PDZRN3: variants seen among roughly 807,000 people sequenced by gnomAD.
PDZRN3 encodes the protein PDZ domain containing ring finger 3, also known as E3 ubiquitin-protein ligase PDZRN3.
In PDZRN3, 38 loss-of-function variants were observed where a neutral mutation model predicts 85.7. The ratio of observed to expected loss-of-function variants is 0.44; its 90% CI spans 0.34 to 0.58. The LOEUF is 0.58. PDZRN3 is among the 20% of genes least tolerant of loss of function. The pLI is 0.01. For missense variants in PDZRN3, 1,629 were observed against 1,506.4 expected (o/e 1.08, Z -1.35); for synonymous variants, 759 against 638.0 (o/e 1.19, Z -2.86).
At chr3:73,544,023 C>T (rs1027850621) in intron 3 of PDZRN3, among the ~76,000 whole-genome samples, 2 of 152,202 alleles carry the variant, frequency 1.3e-5, no homozygotes, top group Non-Finnish European at 1.5e-5. Flanking sequence ...ACCAGCCTGG[C>T]CACCATGGTG....
At chr3:73,596,178 T>C (rs554347097) in intron 3 of PDZRN3, among the ~76,000 whole-genome samples, 4 of 152,258 alleles carry the variant, frequency 2.6e-5, no homozygotes, top group African/African-American at 9.6e-5. Context: ...CTTGGGACAA[T>C]GTGACCACCA....
chr3:73,479,124 A>C (rs758029889), intron 3 of PDZRN3, among the ~76,000 whole-genome samples: 21 of 152,174 alleles, frequency 1.4e-4, no homozygotes, highest in Non-Finnish European at 2.5e-4. Flanking sequence ...TGCTCCTTTG[A>C]GCTTAGACTG....
intron 1 of PDZRN3, among the ~76,000 whole-genome samples, chr3:73,609,188 A>G (rs1206462187): frequency 6.6e-6 from 1 of 152,162 alleles, no homozygotes; most frequent in Non-Finnish European, 1.5e-5. Flanking sequence ...ATGAAAAGTG[A>G]GATGCAAACA....
intron 1 of PDZRN3, among the ~76,000 whole-genome samples, chr3:73,617,714 T>A (rs1702785640): frequency 6.6e-6 from 1 of 152,240 alleles, no homozygotes; most frequent in Non-Finnish European, 1.5e-5. Context: ...AATCTATTTT[T>A]TTTTTTAACA....
chr3:73,456,859 T>C (rs897882152), intron 3 of PDZRN3, among the ~76,000 whole-genome samples: 1 of 152,028 alleles, frequency 6.6e-6, no homozygotes, highest in Non-Finnish European at 1.5e-5. Flanking sequence ...ATAAATAATA[T>C]ATAAAGAACT....
chr3:73,573,643 C>A (rs865912775), intron 3 of PDZRN3, among the ~76,000 whole-genome samples: 3 of 152,262 alleles, frequency 2.0e-5, no homozygotes, highest in African/African-American at 4.8e-5. Flanking sequence ...TGCCAACGCC[C>A]GTTCTATGGT....
chr3:73,413,502 T>C (rs1702013707), intron 3 of PDZRN3, among the ~76,000 whole-genome samples: 1 of 152,160 alleles, frequency 6.6e-6, no homozygotes, highest in Admixed American at 6.5e-5. Context: ...ACTGGTGAGG[T>C]AGGTGGTGTT....
chr3:73,397,035 TTTC>T (rs1190754393), intron 5 of PDZRN3, among the ~76,000 whole-genome samples: 6 of 138,396 alleles, frequency 4.3e-5, no homozygotes, highest in South Asian at 4.6e-4. Context: ...CTTCTTTTTC[TTTC>T]TTTTTTTTTT....
intron 3 of PDZRN3, among the ~76,000 whole-genome samples, chr3:73,598,811 G>T (rs1176329122): frequency 6.6e-6 from 1 of 152,172 alleles, no homozygotes; most frequent in Non-Finnish European, 1.5e-5. Context: ...CTCTGTCCCT[G>T]AGCAACTCAA....
At chr3:73,536,391 T>C (rs147070904) in intron 3 of PDZRN3, among the ~76,000 whole-genome samples, 4 of 152,352 alleles carry the variant, frequency 2.6e-5, no homozygotes, top group South Asian at 2.1e-4. Flanking sequence ...GCAGTACTGC[T>C]TGTGGTGGTC....
intron 3 of PDZRN3, among the ~76,000 whole-genome samples, chr3:73,424,522 A>G (rs1397661022): frequency 2.1e-5 from 3 of 139,772 alleles, no homozygotes; most frequent in African/African-American, 8.1e-5. Context: ...AGCCTGGGAG[A>G]CAGAGTGAGA....
Position 73,482,321 on chromosome 3 carries a change from A to C in PDZRN3, c.919-77926T>G, listed in dbSNP as rs907335640. The stretch of plus-strand genomic sequence containing the variant: ...TTTCTAAGAGAAAACACATTATGAT[A>C]TAAACCCTGGGCCCATCCTTAAAGC... On this transcript the variant is annotated intron_variant, in intron 3 of 9. Coordinates refer to ENST00000263666, the MANE Select transcript of PDZRN3 (RefSeq NM_015009.3). Among the ~76,000 whole-genome samples the C allele has an allele frequency of 3.3e-5, 5 of 152,214 alleles. No individual in the cohort carries two copies. In the East Asian group the frequency reaches 9.6e-4, roughly 29 times the overall value.
At chr3:73,511,647 A>G (rs1401556901) in intron 3 of PDZRN3, among the ~76,000 whole-genome samples, 1 of 152,214 alleles carries the variant, frequency 6.6e-6, no homozygotes, top group Admixed American at 6.5e-5. Context: ...CACTGCCCTA[A>G]AGTACCGTCC....
rs775582239 is a variant in PDZRN3 at position 73,384,631 on chromosome 3, G to A, written c.1935C>T (p.Arg645=). 3.7e-6 allele frequency: 6 copies of A among 1,613,736 alleles called. No individual in the cohort carries two copies. Among genetic ancestry groups the A allele is most frequent in the Non-Finnish European group, 4.2e-6 (5 of 1,180,034 alleles). ...YLGIPVDECE[R]FRELLELKCQ... ...ACTTGAGCTCCAGGAGCTCGCGGAA[G>A]CGCTCGCACTCGTCCACCGGGATCC... Residue 645 remains arginine (R), a synonymous_variant, in exon 10 of 10, where the codon CGC becomes CGT. Coordinates refer to ENST00000263666, the MANE Select transcript of PDZRN3 (RefSeq NM_015009.3).
chr3:73,387,371 G>C (rs1701418339), intron 8 of PDZRN3, among the ~76,000 whole-genome samples: 1 of 152,146 alleles, frequency 6.6e-6, no homozygotes, highest in Non-Finnish European at 1.5e-5. Context: ...CAACACAGAG[G>C]TTTCTGAATC....
intron 3 of PDZRN3, among the ~76,000 whole-genome samples, chr3:73,547,975 G>T (rs949573691): frequency 1.3e-5 from 2 of 152,188 alleles, no homozygotes; most frequent in Admixed American, 6.5e-5. Flanking sequence ...ACATGTAAAT[G>T]AATCAGAAAC....
intron 3 of PDZRN3, among the ~76,000 whole-genome samples, chr3:73,442,964 A>AGCCT (rs898001831): frequency 1.3e-5 from 2 of 152,166 alleles, no homozygotes; most frequent in African/African-American, 4.8e-5. Flanking sequence ...CAGAGACTGC[A>AGCCT]GCCTACCTCC....
chr3:73,453,722 A>G (rs975081668), intron 3 of PDZRN3, among the ~76,000 whole-genome samples: 1 of 152,196 alleles, frequency 6.6e-6, no homozygotes, highest in Non-Finnish European at 1.5e-5. Context: ...AGAACGCTTA[A>G]TTCCTGTAAG....
intron 3 of PDZRN3, among the ~76,000 whole-genome samples, chr3:73,502,659 G>T (rs1410413361): frequency 6.6e-6 from 1 of 152,230 alleles, no homozygotes; most frequent in Non-Finnish European, 1.5e-5. Flanking sequence ...CCAGGCAGCT[G>T]TAAGAAATGA....
Sources: allele counts gnomAD v4.1 joint callset (sites outside exome capture counted in the v4.1 genomes callset), GRCh38; gene constraint gnomAD v4.1.1; transcripts MANE v1.5; gene names NCBI Gene and HGNC (gene_info 2026-07-23, HGNC 2026-07-21).